Variants in PLCXD1 observed in about 807,000 individuals in gnomAD.
PLCXD1 encodes the protein PI-PLC X domain-containing protein 1.
In PLCXD1, 45 loss-of-function variants were observed where a neutral mutation model predicts 37.8. The observed-to-expected ratio is 1.19, with a 90% CI of 0.94 to 1.53. The LOEUF (loss-of-function observed/expected upper bound fraction) is 1.53, where lower values mean the gene tolerates loss of function less well. PLCXD1 is among the 40% of genes most tolerant of loss of function. The probability of loss-of-function intolerance (pLI) is 0.00; values close to 1 mark genes in which losing one functional copy is unlikely to be tolerated. For synonymous variants in PLCXD1, 246 were observed against 206.9 expected (o/e 1.19, Z -1.62); for missense variants, 539 against 454.7 (o/e 1.19, Z -1.69).
At chrX:292,573 G>T (rs938313983) in intron 5 of PLCXD1, among the ~76,000 whole-genome samples, 14 of 152,124 alleles carry the variant, frequency 9.2e-5, no homozygotes, top group African/African-American at 3.4e-4. Context: ...CTCCCAAAGT[G>T]CTGGGATTAC....
At chrX:292,328 G>A (rs1250808541) in intron 5 of PLCXD1, among the ~76,000 whole-genome samples, 2 of 152,004 alleles carry the variant, frequency 1.3e-5, no homozygotes, top group African/African-American at 4.8e-5. Context: ...GCGTGGTGGC[G>A]GGCGCCTGTA....
chrX:284,340 G>C (rs754199936), intron 2 of PLCXD1, 26 bp downstream of exon 2: 87 of 1,611,444 alleles, frequency 5.4e-5, no homozygotes, highest in Non-Finnish European at 7.4e-5. Context: ...GGCAGGGGCC[G>C]TTGCCTCTAT....
In PLCXD1 at chrX:285,727, TCA is replaced by T. The variant is rs371726771; in HGVS notation, c.127+1416_127+1417del. Among the ~76,000 whole-genome samples, 1,432 of 151,874 alleles carry T rather than the reference TCA, an allele frequency of 9.4e-3. 20 individuals carry two copies. Among genetic ancestry groups the T allele is most frequent in the African/African-American group, 0.033 (1,352 of 41,374 alleles). On this transcript the variant is annotated intron_variant, in intron 2 of 6. Transcript: ENST00000381657. ...TAAACACAGGCACACACATGCACAC[TCA>T]CATATAGGCATACGGACACACATAC... is the stretch of plus-strand genomic sequence containing the variant.
chrX:283,063 G>T (rs2069326881), intron 1 of PLCXD1: 1 of 62,882 alleles, frequency 1.6e-5, no homozygotes, highest in African/African-American at 6.7e-5. Flanking sequence ...TCTGTTATGT[G>T]TGTATGTGTG....
rs2070073023 is a variant in PLCXD1, at chrX:303,261, TC to T, written c.*3928del. ...GAATTTGCAGGGAGCCTCCCTGACT[TC>T]CGTCGGCTGTGAATCCTTGTCTGTC... On this transcript the variant is annotated 3_prime_UTR_variant, in exon 7 of 7. Coordinates refer to ENST00000381657, the MANE Select transcript of PLCXD1 (RefSeq NM_018390.4). The T allele has an allele frequency of 6.6e-6, 1 of 152,158 alleles. No individual in the cohort carries two copies. Among genetic ancestry groups the T allele is most frequent in the Non-Finnish European group, 1.5e-5 (1 of 68,040 alleles). 9.4% of individuals were successfully genotyped at this position (152,158 alleles called of 1,614,324 possible). A position where few individuals can be genotyped will look rare whatever the true frequency, so the allele number is the denominator to read the frequency against.
chrX:295,121 A>G (rs2069762477), intron 6 of PLCXD1, among the ~76,000 whole-genome samples: 1 of 150,664 alleles, frequency 6.6e-6, no homozygotes, highest in Non-Finnish European at 1.5e-5. Flanking sequence ...GTGAGCCGAA[A>G]TCGCGCCACA....
At chrX:276,812 C>T (rs764761147), upstream of PLCXD1, among the ~76,000 whole-genome samples, 8 of 152,160 alleles carry the variant, frequency 5.3e-5, no homozygotes, top group African/African-American at 1.9e-4. Context: ...ACTGGGAATG[C>T]TGGGATCTGA....
At position 299,230 on chromosome X, in the gene PLCXD1, G is replaced by C. The variant is rs200743252; in HGVS notation, c.867G>C (p.Pro289=). The change falls in exon 7 of 7, where the codon CCG becomes CCC. Residue 289 remains proline, a synonymous_variant. Coordinates refer to ENST00000381657, the MANE Select transcript of PLCXD1 (RefSeq NM_018390.4). ...GCGCGTGGGTCCGAGAGCAGTGCCC[G>C]GGGCCGGGTTCACGGTGCACCAACA... ...RLSAWVREQC[P]GPGSRCTNII... is the part of the protein sequence containing the mutation. The C allele has an allele frequency of 4.5e-5, 72 of 1,613,744 alleles. No individual in the cohort carries two copies. In the Admixed American group the frequency reaches 1.2e-3, roughly 27 times the overall value.
intron 2 of PLCXD1, among the ~76,000 whole-genome samples, chrX:286,891 C>T (rs1569564438): frequency 6.6e-6 from 1 of 151,922 alleles, no homozygotes; most frequent in Non-Finnish European, 1.5e-5. Flanking sequence ...AAGTACTGGT[C>T]TCCTTCCTTA....
intron 5 of PLCXD1, 33 bp from the exon 6 acceptor site, chrX:293,002 T>TC: frequency 6.6e-7 from 1 of 1,521,164 alleles, no homozygotes; most frequent in Non-Finnish European, 8.9e-7. Flanking sequence ...CTCTCCTCTC[T>TC]CCCCTGCACC....
chrX:282,947 A>AT (rs2069318073), intron 1 of PLCXD1, among the ~76,000 whole-genome samples: 1 of 61,258 alleles, frequency 1.6e-5, no homozygotes, highest in African/African-American at 1.2e-4. Flanking sequence ...TATATATATT[A>AT]TATATATATT....
intron 3 of PLCXD1, 53 bp downstream of exon 3, chrX:288,922 A>C (rs1339464965): frequency 6.4e-7 from 1 of 1,570,458 alleles, no homozygotes; most frequent in Non-Finnish European, 8.8e-7. Context: ...TGTGGGGCCC[A>C]CGGCCCCGTG....
At chrX:283,933 G>T (rs2069362362) in intron 1 of PLCXD1, 1 of 424,824 alleles carries the variant, frequency 2.4e-6, no homozygotes, top group Non-Finnish European at 4.2e-6. Flanking sequence ...CCAGCCTGGA[G>T]TGCAGTGGCG....
In PLCXD1 at chrX:282,836, T is replaced by C. The variant is rs749488146; in HGVS notation, c.-22+1152T>C. On this transcript the variant is annotated intron_variant, in intron 1 of 6. Coordinates refer to ENST00000381657, the MANE Select transcript of PLCXD1 (RefSeq NM_018390.4). Reference sequence around the variant, plus strand: ...TTTTCAACAGTATATTATATATATATACTTATATATGTATATATAGTGATG... The same window carrying C: ...TTTTCAACAGTATATTATATATATACACTTATATATGTATATATAGTGATG... 3.1e-4 allele frequency among the ~76,000 whole-genome samples: 46 copies of C among 147,256 alleles called. 1 individual carries two copies. In the East Asian group the frequency reaches 8.0e-3, roughly 26 times the overall value.
At chrX:284,960 C>T (rs1446407038) in intron 2 of PLCXD1, among the ~76,000 whole-genome samples, 5 of 152,140 alleles carry the variant, frequency 3.3e-5, no homozygotes, top group Non-Finnish European at 5.9e-5. Context: ...CCCCGTGATT[C>T]GGTGACCTCC....
chrX:298,933 G>A (rs1490504925), intron 6 of PLCXD1, among the ~76,000 whole-genome samples, 164 bp from the exon 7 acceptor site: 1 of 152,074 alleles, frequency 6.6e-6, no homozygotes, highest in Non-Finnish European at 1.5e-5. Flanking sequence ...GTTGTCTACT[G>A]CCCACCACGC....
intron 6 of PLCXD1, among the ~76,000 whole-genome samples, chrX:293,573 A>G (rs1223136158): frequency 6.6e-6 from 1 of 152,124 alleles, no homozygotes; most frequent in African/African-American, 2.4e-5. Context: ...CGGCCTGACC[A>G]ATGTGATGAA....
At chrX:294,381 C>G (rs2069737085) in intron 6 of PLCXD1, among the ~76,000 whole-genome samples, 1 of 151,776 alleles carries the variant, frequency 6.6e-6, no homozygotes, top group Non-Finnish European at 1.5e-5. Flanking sequence ...ACTCCGGAGG[C>G]TGAGGTAGGA....
chrX:282,682 G>C (rs1490092452), intron 1 of PLCXD1, among the ~76,000 whole-genome samples: 1 of 146,926 alleles, frequency 6.8e-6, no homozygotes, highest in Non-Finnish European at 1.5e-5. Flanking sequence ...TCCAGCCTGG[G>C]CAACGAGAGG....
Sources: allele counts gnomAD v4.1 joint callset (sites outside exome capture counted in the v4.1 genomes callset), GRCh38; gene constraint gnomAD v4.1.1; transcripts MANE v1.5; gene names NCBI Gene and HGNC (gene_info 2026-07-23, HGNC 2026-07-21).